CNTNAP3: variants seen among roughly 807,000 people sequenced by gnomAD.
CNTNAP3 encodes contactin associated protein family member 3, also known as contactin-associated protein-like 3.
CNTNAP3 carries 36 observed loss-of-function variants against 92.1 expected under a neutral mutation model. The ratio of observed to expected loss-of-function variants is 0.39; its 90% CI spans 0.30 to 0.52. CNTNAP3 has a LOEUF of 0.52. Among genes scored for constraint, CNTNAP3 ranks in the 20% least tolerant of loss-of-function variants. The pLI, the probability that CNTNAP3 is intolerant of heterozygous loss-of-function variation, is 0.76. For synonymous variants in CNTNAP3, 232 were observed against 422.3 expected (o/e 0.55, Z 5.53); for missense variants, 534 against 1,069.6 (o/e 0.50, Z 6.98).
rs1357182331 is a variant in CNTNAP3 at position 39,066,438 on chromosome 9, C to T, written c.*7452G>A. Among the ~76,000 whole-genome samples, 2 of 152,110 alleles carry T rather than the reference C, an allele frequency of 1.3e-5. No individual in the cohort carries two copies. Among genetic ancestry groups the T allele is most frequent in the Non-Finnish European group, 2.9e-5 (2 of 68,020 alleles). ...TTATGGTGTTACTATTGCCAGTGCT[C>T]TTCATTTCTTTGTGTGGATCCATGT... On this transcript the variant is annotated 3_prime_UTR_variant, in exon 24 of 24. Coordinates refer to ENST00000297668, the MANE Select transcript of CNTNAP3 (RefSeq NM_033655.5).
At chr9:39,149,602 A>C (rs7048837) in intron 10 of CNTNAP3, among the ~76,000 whole-genome samples, 37,927 of 151,168 alleles carry the variant, frequency 0.25, 5,024 homozygotes, top group East Asian at 0.31. Context: ...GTGATCCGCC[A>C]GCCTCAGCCG....
chr9:39,098,179 G>A (rs1317436582), intron 18 of CNTNAP3, among the ~76,000 whole-genome samples: 1 of 145,902 alleles, frequency 6.9e-6, no homozygotes, highest in Non-Finnish European at 1.5e-5. Context: ...GGTATCTACA[G>A]TATTCTGAGA....
chr9:39,106,988 A>G (rs990925679), intron 15 of CNTNAP3, among the ~76,000 whole-genome samples: 18 of 152,108 alleles, frequency 1.2e-4, no homozygotes, highest in African/African-American at 4.1e-4. Context: ...AGATTATGGG[A>G]AAAAAAATTG....
chr9:39,109,035 T>C (rs1826676547), intron 15 of CNTNAP3, 125 bp downstream of exon 15: 1 of 1,426,066 alleles, frequency 7.0e-7, no homozygotes, highest in Non-Finnish European at 9.3e-7. Context: ...TGTGTTTTCC[T>C]GATATTCGCC....
At chr9:39,121,046 T>A (rs1361763922) in intron 13 of CNTNAP3, among the ~76,000 whole-genome samples, 1 of 152,006 alleles carries the variant, frequency 6.6e-6, no homozygotes, top group Non-Finnish European at 1.5e-5. Flanking sequence ...TAAACTATAA[T>A]ACCAAGCAAC....
At chr9:39,141,440 A>C (rs377476999) in intron 11 of CNTNAP3, among the ~76,000 whole-genome samples, 1 of 152,182 alleles carries the variant, frequency 6.6e-6, no homozygotes. Context: ...AAGCTGATTT[A>C]AAAAAGAAAC....
rs1245205045 is a variant in CNTNAP3 at position 39,066,623 on chromosome 9, G to A, written c.*7267C>T. Among the ~76,000 whole-genome samples the A allele has an allele frequency of 1.3e-5, 2 of 152,252 alleles. No homozygotes were observed. The highest frequency in any genetic ancestry group is 1.3e-4 in the Admixed American group (2 of 15,284). On this transcript the variant is annotated 3_prime_UTR_variant, in exon 24 of 24. Coordinates refer to ENST00000297668, the MANE Select transcript of CNTNAP3 (RefSeq NM_033655.5). ...CTTTCTTGAAAGACGGTTTTGCTGG[G>A]TATAGAAACCTAGGAGAGAGAGTTT...
At chr9:39,119,093 G>A (rs118034206) in intron 13 of CNTNAP3, among the ~76,000 whole-genome samples, 2,801 of 152,156 alleles carry the variant, frequency 0.018, 58 homozygotes, top group East Asian at 0.11. Context: ...AAAAAGGAAG[G>A]GGGTCAGGGG....
intron 12 of CNTNAP3, among the ~76,000 whole-genome samples, chr9:39,137,909 G>C (rs1266338177): frequency 6.6e-6 from 1 of 151,834 alleles, no homozygotes; most frequent in Non-Finnish European, 1.5e-5. Context: ...GCCCAGGCTA[G>C]AGTGCAGTGG....
intron 13 of CNTNAP3, among the ~76,000 whole-genome samples, chr9:39,122,341 C>T (rs969954988): frequency 7.9e-5 from 12 of 151,962 alleles, no homozygotes; most frequent in Admixed American, 5.2e-4. Flanking sequence ...GGCTACAGAG[C>T]GAGACTCTCT....
chr9:39,179,286 TACA>T (rs1822402509), intron 4 of CNTNAP3, among the ~76,000 whole-genome samples: 1 of 80,724 alleles, frequency 1.2e-5, no homozygotes, highest in African/African-American at 5.7e-5. Context: ...TCTCTCTCTC[TACA>T]CACACACACA....
At chr9:39,286,475 TTTG>T (rs1371953673) in intron 1 of CNTNAP3, among the ~76,000 whole-genome samples, 1 of 14,054 alleles carries the variant, frequency 7.1e-5, no homozygotes, top group African/African-American at 1.1e-4. Context: ...AGTGACTTTT[TTTG>T]TTGTTGTATT....
intron 18 of CNTNAP3, among the ~76,000 whole-genome samples, chr9:39,096,770 C>G (rs186629230): frequency 3.3e-5 from 5 of 151,722 alleles, no homozygotes; most frequent in Non-Finnish European, 5.9e-5. Context: ...CTGGCGTTTC[C>G]TTGTATATAT....
chr9:39,111,325 T>C (rs1416743553), intron 14 of CNTNAP3, among the ~76,000 whole-genome samples: 2 of 152,186 alleles, frequency 1.3e-5, no homozygotes, highest in Non-Finnish European at 2.9e-5. Flanking sequence ...TAAAAGACTT[T>C]AGGTATCAAA....
chr9:39,129,298 A>C (rs1339406960), intron 13 of CNTNAP3, among the ~76,000 whole-genome samples: 1 of 152,228 alleles, frequency 6.6e-6, no homozygotes, highest in African/African-American at 2.4e-5. Flanking sequence ...AATGAAACAG[A>C]TAAAGAATGC....
chr9:39,077,546 G>C (rs1825811530), intron 23 of CNTNAP3, among the ~76,000 whole-genome samples: 1 of 150,228 alleles, frequency 6.7e-6, no homozygotes, highest in South Asian at 2.1e-4. Flanking sequence ...GACACAGCGA[G>C]ACTCTGTCTC....
chr9:39,094,024 T>A (rs1826273180), intron 18 of CNTNAP3, among the ~76,000 whole-genome samples: 1 of 144,294 alleles, frequency 6.9e-6, no homozygotes, highest in African/African-American at 2.5e-5. Context: ...CCAAAACTTG[T>A]TATTTTCTGT....
In CNTNAP3 at chr9:39,098,001, T is replaced by A. The variant is rs564565444; in HGVS notation, c.2995+1910A>T. Among the ~76,000 whole-genome samples, 4 of 150,506 alleles carry A rather than the reference T, an allele frequency of 2.7e-5. No homozygotes were observed. The South Asian group carries it at 8.5e-4, about 32-fold the overall frequency. The stretch of plus-strand genomic sequence containing the variant: ...TTTTTATTTGAATGTTACCTCCTCT[T>A]TAAAAATCGATTTGCTTTGTAGGAA... On this transcript the variant is annotated intron_variant, in intron 18 of 23. Transcript: ENST00000297668.
intron 11 of CNTNAP3, among the ~76,000 whole-genome samples, chr9:39,141,078 C>A (rs7044088): frequency 0.012 from 1,869 of 152,270 alleles, 34 homozygotes; most frequent in African/African-American, 0.042. Flanking sequence ...AGAAAGCATG[C>A]AAACTCTGAA....
Sources: allele counts gnomAD v4.1 joint callset (sites outside exome capture counted in the v4.1 genomes callset), GRCh38; gene constraint gnomAD v4.1.1; transcripts MANE v1.5; gene names NCBI Gene and HGNC (gene_info 2026-07-23, HGNC 2026-07-21).